UGT1A7: variants seen among roughly 807,000 people sequenced by gnomAD.
UGT1A7 encodes UDP glucuronosyltransferase family 1 member A7.
In UGT1A7, 33 loss-of-function variants were observed where a neutral mutation model predicts 45.6. That is an observed-to-expected ratio of 0.72 (90% CI 0.55 to 0.97). The LOEUF is 0.97. Ranked by LOEUF, UGT1A7 falls within the 50% of genes least tolerant of loss-of-function variation. The pLI, the probability that UGT1A7 is intolerant of heterozygous loss-of-function variation, is 0.00. For missense variants in UGT1A7, 684 were observed against 666.2 expected, an observed-to-expected ratio of 1.03 and a Z score of -0.29; for synonymous variants, 274 against 250.6, an observed-to-expected ratio of 1.09 and a Z score of -0.88.
chr2:233,719,837 G>A, intron 1 of UGT1A7: 1 of 1,534,622 alleles, frequency 6.5e-7, no homozygotes, highest in South Asian at 1.2e-5. Flanking sequence ...GGGGCCTAGT[G>A]TATTTCAAGT....
At chr2:233,739,959 T>A (rs1437269496) in intron 1 of UGT1A7, among the ~76,000 whole-genome samples, 1 of 151,940 alleles carries the variant, frequency 6.6e-6, no homozygotes, top group Non-Finnish European at 1.5e-5. Flanking sequence ...GGGAGCTGAT[T>A]GAATCATATC....
At chr2:233,705,822 G>A (rs1029113786) in intron 1 of UGT1A7, among the ~76,000 whole-genome samples, 1 of 152,156 alleles carries the variant, frequency 6.6e-6, no homozygotes, top group Admixed American at 6.6e-5. Context: ...ATTTCAGGCC[G>A]AGCACAGTGG....
chr2:233,760,740 C>T (rs2125987447), intron 1 of UGT1A7: 1 of 1,614,120 alleles, frequency 6.2e-7, no homozygotes, highest in Non-Finnish European at 8.5e-7. Context: ...TGCTGACGGA[C>T]CCTTTCCTTC....
At chr2:233,697,174 G>A (rs181494492) in intron 1 of UGT1A7, among the ~76,000 whole-genome samples, 191 of 152,138 alleles carry the variant, frequency 1.3e-3, no homozygotes, top group African/African-American at 4.5e-3. Flanking sequence ...TTTAAAAATG[G>A]TTGGTAGAAT....
chr2:233,719,162 G>T (rs1279561037), intron 1 of UGT1A7: 6 of 1,614,136 alleles, frequency 3.7e-6, no homozygotes, highest in Non-Finnish European at 4.2e-6. Context: ...CTAGAAGTAT[G>T]GCAATTATGA....
At chr2:233,689,825 A>G (rs910686008) in intron 1 of UGT1A7, 10 of 450,432 alleles carry the variant, frequency 2.2e-5, no homozygotes, top group Non-Finnish European at 3.5e-5. Flanking sequence ...ACATCTCTGG[A>G]CTCTAACTTT....
intron 1 of UGT1A7, among the ~76,000 whole-genome samples, chr2:233,726,609 C>G (rs927536139): frequency 3.4e-4 from 51 of 152,176 alleles, no homozygotes; most frequent in African/African-American, 1.2e-3. Flanking sequence ...ATTACACTGT[C>G]CTGCCCAGAT....
chr2:233,690,738 T>G (rs1393287542), intron 1 of UGT1A7: 1 of 1,205,664 alleles, frequency 8.3e-7, no homozygotes, highest in Non-Finnish European at 1.0e-6. Context: ...CAGATTCCTC[T>G]GGCTAGTGTC....
chr2:233,736,804 G>A (rs1221083478), intron 1 of UGT1A7, among the ~76,000 whole-genome samples: 2 of 152,210 alleles, frequency 1.3e-5, no homozygotes, highest in African/African-American at 4.8e-5. Context: ...GGAGTTTGCT[G>A]GAGGTCCACT....
chr2:233,743,431 C>G (rs755334550), intron 1 of UGT1A7: 1 of 1,354,434 alleles, frequency 7.4e-7, no homozygotes, highest in East Asian at 4.7e-5. Flanking sequence ...GCCAAAGGAA[C>G]GAAATCCTGT....
Position 233,769,261 on chromosome 2 carries a change from C to T in UGT1A7, c.1295+822C>T, listed in dbSNP as rs1242622914. ...ATTTGCTCAAATGTGGCCCTGAAAA[C>T]GATTCAAAGGGCAAATGATTTCTGG... On this transcript the variant is annotated intron_variant, in intron 4 of 4. Coordinates refer to ENST00000373426, the MANE Select transcript of UGT1A7 (RefSeq NM_019077.3). This position sits in a 1 kb window ranked among gnomAD's most constrained non-coding sequence, Gnocchi z 4.4. 1.3e-5 allele frequency among the ~76,000 whole-genome samples: 2 copies of T among 152,124 alleles called. No homozygotes were observed. Among genetic ancestry groups the T allele is most frequent in the African/African-American group, 2.4e-5 (1 of 41,420 alleles).
intron 1 of UGT1A7, chr2:233,755,168 T>C (rs1695794635): frequency 1.6e-6 from 2 of 1,266,444 alleles, no homozygotes; most frequent in Non-Finnish European, 1.1e-6. Flanking sequence ...CCTCGGGGTT[T>C]TTGTCGGGGT....
At chr2:233,767,568 T>C (rs1394271023) in intron 2 of UGT1A7, among the ~76,000 whole-genome samples, 2 of 152,252 alleles carry the variant, frequency 1.3e-5, no homozygotes, top group African/African-American at 4.8e-5. Flanking sequence ...CTTGTTTCAT[T>C]AAGCAAACTT....
chr2:233,755,009 G>C (rs1198421851), intron 1 of UGT1A7: 1 of 1,292,254 alleles, frequency 7.7e-7, no homozygotes, highest in African/African-American at 1.5e-5. Context: ...AGACCTACTC[G>C]AAGGGGTCCT....
chr2:233,713,457 C>T, intron 1 of UGT1A7: 1 of 1,614,142 alleles, frequency 6.2e-7, no homozygotes, highest in Non-Finnish European at 8.5e-7. Context: ...CCCCTTTCAC[C>T]TCTGCGCGGC....
At position 233,705,625 on chromosome 2, in the gene UGT1A7, A is replaced by G. The variant is rs2075861511; in HGVS notation, c.855+22833A>G. ...TCTGAAGAGAGAAGAAACTGAGTTG[A>G]CAGTTCTAGGAAGTTGAAGGTCTTC... On this transcript the variant is annotated intron_variant, in intron 1 of 4. Transcript: ENST00000373426. 1.3e-5 allele frequency among the ~76,000 whole-genome samples: 2 copies of G among 152,220 alleles called. 1 individual carries two copies. The highest frequency in any genetic ancestry group is 4.8e-5 in the African/African-American group (2 of 41,448).
In UGT1A7 at chr2:233,718,852, G is replaced by A. The variant is rs149314940; in HGVS notation, c.855+36060G>A. On this transcript the variant is annotated intron_variant, in intron 1 of 4. Coordinates refer to ENST00000373426, the MANE Select transcript of UGT1A7 (RefSeq NM_019077.3). ...AGAGGACTCCAGGTTCCCCTGCCGC[G>A]GCTGGCCACAGGACTGCTGCTCCTC... The A allele has an allele frequency of 5.0e-5, 80 of 1,613,718 alleles. No homozygotes were observed. Among genetic ancestry groups the A allele is most frequent in the Middle Eastern group, 1.7e-4 (1 of 5,766 alleles).
intron 1 of UGT1A7, among the ~76,000 whole-genome samples, chr2:233,738,417 G>A (rs1690784004): frequency 6.6e-6 from 1 of 152,216 alleles, no homozygotes; most frequent in Non-Finnish European, 1.5e-5. Context: ...ACAGGCAGAG[G>A]CTGGAACAGT....
At chr2:233,739,943 C>A (rs1413730564) in intron 1 of UGT1A7, among the ~76,000 whole-genome samples, 1 of 151,878 alleles carries the variant, frequency 6.6e-6, no homozygotes, top group African/African-American at 2.4e-5. Context: ...AAGGTTGGTA[C>A]CTGGTGGGAG....
Sources: gnomAD v4.1 joint callset for allele counts (sites outside exome capture counted in the v4.1 genomes callset) on GRCh38, gnomAD v4.1.1 for gene constraint, Gnocchi (gnomAD v3.1) non-coding constraint, MANE v1.5 for transcripts, NCBI Gene and HGNC (gene_info 2026-07-23, HGNC 2026-07-21) for gene names.